AP1G1: variants seen among roughly 807,000 people sequenced by gnomAD.
AP1G1 encodes adaptor related protein complex 1 subunit gamma 1.
Under a neutral mutation model 108.3 loss-of-function variants are expected in AP1G1, and 7 were observed. The observed-to-expected ratio is 0.06, with a 90% CI of 0.04 to 0.12. AP1G1 has a LOEUF of 0.12. AP1G1 is among the 10% of genes least tolerant of loss of function. AP1G1 has a pLI of 1.00. For missense variants in AP1G1, 756 were observed against 1,010.7 expected (o/e 0.75, Z 3.42); for synonymous variants, 379 against 353.5 (o/e 1.07, Z -0.81).
intron 2 of AP1G1, among the ~76,000 whole-genome samples, chr16:71,776,158 A>C (rs2031773863): frequency 6.6e-6 from 1 of 152,222 alleles, no homozygotes; most frequent in Non-Finnish European, 1.5e-5. Flanking sequence ...TTCCATTATG[A>C]ATTTATCTAC....
At chr16:71,808,485 G>C (rs751901344) in intron 1 of AP1G1, 6 of 1,241,336 alleles carry the variant, frequency 4.8e-6, no homozygotes, top group Admixed American at 2.8e-5. Context: ...AGAAAGTCAA[G>C]GGTTCAAGGA....
chr16:71,792,545 G>C (rs1425101931), intron 1 of AP1G1, among the ~76,000 whole-genome samples: 1 of 152,114 alleles, frequency 6.6e-6, no homozygotes, highest in East Asian at 1.9e-4. Flanking sequence ...GGAAGTAACA[G>C]GAAGTTAAAG....
At chr16:71,762,546 C>T (rs1236640726) in intron 9 of AP1G1, among the ~76,000 whole-genome samples, 5 of 152,094 alleles carry the variant, frequency 3.3e-5, no homozygotes, top group African/African-American at 7.2e-5. Context: ...AGCTGATCAC[C>T]GATGATTTAA....
At chr16:71,749,862 T>C (rs1567644570) in intron 15 of AP1G1, 32 bp downstream of exon 15, 4 of 1,532,594 alleles carry the variant, frequency 2.6e-6, no homozygotes, top group East Asian at 4.5e-5. Context: ...ACCACTATTT[T>C]CCCCCACTTA....
chr16:71,761,013 A>T (rs1448358191), intron 10 of AP1G1, among the ~76,000 whole-genome samples: 1 of 152,240 alleles, frequency 6.6e-6, no homozygotes, highest in East Asian at 1.9e-4. Context: ...CAGATTTGCT[A>T]CCTGAAATGT....
chr16:71,771,645 T>C (rs570476568), intron 4 of AP1G1, among the ~76,000 whole-genome samples: 12 of 152,334 alleles, frequency 7.9e-5, no homozygotes, highest in Admixed American at 5.2e-4. Context: ...GCTAGACAAG[T>C]AGGCAAAAAC....
At chr16:71,808,692 C>G (rs1323301803) in intron 1 of AP1G1, 71 bp downstream of exon 1, 4 of 1,286,290 alleles carry the variant, frequency 3.1e-6, no homozygotes, top group Non-Finnish European at 4.1e-6. Context: ...AAGGAAGCTT[C>G]CGGTCGAGCG....
intron 1 of AP1G1, among the ~76,000 whole-genome samples, chr16:71,798,846 C>T (rs1331539614): frequency 2.0e-5 from 3 of 151,918 alleles, no homozygotes; most frequent in East Asian, 3.9e-4. Context: ...CGAGATCACA[C>T]CACTGCACTC....
chr16:71,751,718 C>T (rs1206400169), intron 13 of AP1G1, among the ~76,000 whole-genome samples: 1 of 152,148 alleles, frequency 6.6e-6, no homozygotes, highest in Non-Finnish European at 1.5e-5. Context: ...CAGCAGAATA[C>T]ACATTTTTCT....
rs147505699 is a variant in AP1G1, at chr16:71,807,919, G to A, written c.-4+844C>T. The A allele has an allele frequency of 1.1e-4, 146 of 1,279,054 alleles. 1 individual carries two copies. In the East Asian group the frequency reaches 6.8e-3, roughly 60 times the overall value. 79.2% of individuals were successfully genotyped at this position (1,279,054 alleles called of 1,614,324 possible). ...CCAAAAAGCTAAGTATTCAGCACAG[G>A]GAGGGAATCCACATATGAGAAAACA... On this transcript the variant is annotated intron_variant, in intron 1 of 22. Transcript: ENST00000299980.
intron 1 of AP1G1, among the ~76,000 whole-genome samples, chr16:71,806,017 A>T (rs907666905): frequency 7.9e-6 from 1 of 127,152 alleles, no homozygotes; most frequent in East Asian, 2.3e-4. Context: ...CCCTGTCTCA[A>T]ACAATAAAAA....
chr16:71,808,454 G>C, intron 1 of AP1G1: 1 of 1,205,040 alleles, frequency 8.3e-7, no homozygotes, highest in Non-Finnish European at 1.1e-6. Flanking sequence ...CCCTGAATGA[G>C]CCCTCAAAGA....
In AP1G1 at chr16:71,733,455, T is replaced by C. The variant is rs575063534; in HGVS notation, c.2368-296A>G. Among the ~76,000 whole-genome samples the C allele has an allele frequency of 6.6e-5, 10 of 152,374 alleles. No individual in the cohort carries two copies. The East Asian group carries it at 1.7e-3, about 26-fold the overall frequency. On this transcript the variant is annotated intron_variant, in intron 22 of 22. Transcript: ENST00000299980. The stretch of plus-strand genomic sequence containing the variant: ...GGGAGCATTTTTTCTTTTCTTTTCT[T>C]TTGAAACAGGGTTTTGTTCTTATTG...
chr16:71,784,577 G>T (rs554925557), intron 2 of AP1G1, among the ~76,000 whole-genome samples: 1 of 152,094 alleles, frequency 6.6e-6, no homozygotes, highest in Non-Finnish European at 1.5e-5. Context: ...GTTGTTGTTT[G>T]AGACAGAGTC....
At position 71,773,379 on chromosome 16, in the gene AP1G1, G is replaced by T. The variant is rs747042993; in HGVS notation, c.327-17C>A. Reference sequence around the variant, plus strand: ...TTAAGATCACTGCAAAAGAAAAGAGGAAGGTAGGAACAAGCCTGGTGCTCC... The same window carrying T: ...TTAAGATCACTGCAAAAGAAAAGAGTAAGGTAGGAACAAGCCTGGTGCTCC... On this transcript the variant is annotated splice_polypyrimidine_tract_variant and intron_variant, in intron 3 of 22. Coordinates refer to ENST00000299980, the MANE Select transcript of AP1G1 (RefSeq NM_001128.6). 3 of 1,484,608 alleles carry T rather than the reference G, an allele frequency of 2.0e-6. No homozygotes were observed. The highest frequency in any genetic ancestry group is 2.7e-6 in the Non-Finnish European group (3 of 1,121,580). The allele number at this position is 1,484,608 out of a possible 1,614,324, so 92.0% of individuals were successfully genotyped here.
At chr16:71,781,378 A>C (rs1480917422) in intron 2 of AP1G1, among the ~76,000 whole-genome samples, 4 of 152,216 alleles carry the variant, frequency 2.6e-5, no homozygotes, top group Admixed American at 6.5e-5. Context: ...AAAATCACGT[A>C]ACTGTCACTG....
intron 21 of AP1G1, 71 bp from the exon 22 acceptor site, chr16:71,734,778 T>C: frequency 1.6e-6 from 2 of 1,227,682 alleles, no homozygotes; most frequent in Non-Finnish European, 2.4e-6. Context: ...CCAAAAACCA[T>C]TTAGACACCC....
intron 1 of AP1G1, among the ~76,000 whole-genome samples, chr16:71,797,018 A>T (rs201885191): frequency 6.9e-5 from 4 of 57,916 alleles, no homozygotes; most frequent in African/African-American, 1.0e-4. Context: ...AAAAAAAATT[A>T]TATATATATA....
chr16:71,798,609 G>C (rs749175437), intron 1 of AP1G1, among the ~76,000 whole-genome samples: 1 of 151,112 alleles, frequency 6.6e-6, no homozygotes, highest in Non-Finnish European at 1.5e-5. Flanking sequence ...GAGGCCGGGC[G>C]TGGTGCGGTG....
Sources: allele counts gnomAD v4.1 joint callset (sites outside exome capture counted in the v4.1 genomes callset), GRCh38; gene constraint gnomAD v4.1.1; transcripts MANE v1.5; gene names NCBI Gene and HGNC (gene_info 2026-07-23, HGNC 2026-07-21).